The following CAMTA1 variants were observed in gnomAD, a reference collection of about 807,000 sequenced individuals.
CAMTA1 encodes calmodulin binding transcription activator 1.
Under a neutral mutation model 170.9 loss-of-function variants are expected in CAMTA1, and 27 were observed. That is an observed-to-expected ratio of 0.16 (90% CI 0.12 to 0.22). The LOEUF is 0.22. Among genes scored for constraint, CAMTA1 ranks in the 10% least tolerant of loss-of-function variants. CAMTA1 has a pLI of 1.00. For missense variants in CAMTA1, 1,619 were observed against 2,217.2 expected (o/e 0.73, Z 5.42); for synonymous variants, 833 against 891.5 (o/e 0.93, Z 1.17).
intron 11 of CAMTA1, among the ~76,000 whole-genome samples, chr1:7,713,712 C>T (rs1005268625): frequency 1.1e-4 from 17 of 152,210 alleles, no homozygotes; most frequent in African/African-American, 2.2e-4. Flanking sequence ...GTTCTGAGGC[C>T]GTGGCATGGT....
intron 3 of CAMTA1, among the ~76,000 whole-genome samples, chr1:7,011,084 C>T (rs184979914): frequency 1.2e-4 from 19 of 152,370 alleles, no homozygotes; most frequent in African/African-American, 4.3e-4. Flanking sequence ...GGGAGCTCTG[C>T]TTACTGGCTT....
chr1:7,029,537 G>T (rs906373697), intron 3 of CAMTA1, among the ~76,000 whole-genome samples: 1 of 149,654 alleles, frequency 6.7e-6, no homozygotes, highest in Non-Finnish European at 1.5e-5. Context: ...CTGGTCAGCT[G>T]CATTGAACAG....
rs929815304 is a variant in CAMTA1, at chr1:6,926,201, C to T, written c.234+100991C>T. Among the ~76,000 whole-genome samples, 6 of 152,304 alleles carry T rather than the reference C, an allele frequency of 3.9e-5. No homozygotes were observed. In the East Asian group the frequency reaches 7.7e-4, roughly 20 times the overall value. On this transcript the variant is annotated intron_variant, in intron 3 of 22. Transcript: ENST00000303635. ...ACTCTCATCATGCCTATCTGCCCCA[C>T]GTTGGGAGGGGATGGGCCAAGTTCT...
At chr1:7,355,616 A>T (rs1338479235) in intron 5 of CAMTA1, among the ~76,000 whole-genome samples, 3 of 152,012 alleles carry the variant, frequency 2.0e-5, no homozygotes, top group Non-Finnish European at 4.4e-5. Flanking sequence ...TCCATTCTCC[A>T]CTCAGCGGCC....
intron 1 of CAMTA1, among the ~76,000 whole-genome samples, chr1:6,814,892 C>G (rs1463160230): frequency 6.6e-6 from 1 of 152,128 alleles, no homozygotes; most frequent in Non-Finnish European, 1.5e-5. Flanking sequence ...TTTCATTAAT[C>G]CATCTTCCAA....
chr1:7,724,836 A>AAG (rs2096673208), intron 11 of CAMTA1, among the ~76,000 whole-genome samples: 1 of 151,992 alleles, frequency 6.6e-6, no homozygotes, highest in Non-Finnish European at 1.5e-5. Flanking sequence ...AAAAAAAAAA[A>AAG]AGATCGCATG....
chr1:7,655,057 CAA>C (rs2095877611), intron 7 of CAMTA1, among the ~76,000 whole-genome samples: 1 of 144,350 alleles, frequency 6.9e-6, no homozygotes, highest in African/African-American at 2.6e-5. Context: ...CACACCTATA[CAA>C]ACACACCCAC....
chr1:7,465,709 G>A (rs981930799), intron 5 of CAMTA1, among the ~76,000 whole-genome samples: 10 of 152,158 alleles, frequency 6.6e-5, no homozygotes, highest in Non-Finnish European at 1.2e-4. Flanking sequence ...AGGGGAAAGC[G>A]GGCCTGGGCC....
intron 6 of CAMTA1, among the ~76,000 whole-genome samples, chr1:7,553,463 C>T (rs2094835212): frequency 6.6e-6 from 1 of 152,168 alleles, no homozygotes. Context: ...GGACCCATCC[C>T]ACAGGGCTCC....
chr1:7,679,915 G>C (rs1322541142), intron 11 of CAMTA1, among the ~76,000 whole-genome samples: 2 of 152,246 alleles, frequency 1.3e-5, no homozygotes, highest in Non-Finnish European at 1.5e-5. Context: ...GAATGAGTGG[G>C]AGGCAGGGAC....
At chr1:6,958,889 C>T (rs748809893) in intron 3 of CAMTA1, among the ~76,000 whole-genome samples, 1 of 152,030 alleles carries the variant, frequency 6.6e-6, no homozygotes, top group Non-Finnish European at 1.5e-5. Context: ...TTAGTATTCA[C>T]GAAAAATGCT....
At chr1:7,571,296 G>T (rs936301239) in intron 6 of CAMTA1, among the ~76,000 whole-genome samples, 4 of 152,094 alleles carry the variant, frequency 2.6e-5, no homozygotes, top group Non-Finnish European at 4.4e-5. Flanking sequence ...TTTTTCTAAG[G>T]CCATTAATCC....
intron 6 of CAMTA1, among the ~76,000 whole-genome samples, chr1:7,480,352 T>G (rs2093505548): frequency 6.6e-6 from 1 of 151,496 alleles, no homozygotes; most frequent in African/African-American, 2.4e-5. Context: ...TGTGCATGTG[T>G]GTGTTTGTGC....
Position 7,361,967 on chromosome 1 carries a change from G to A in CAMTA1, c.439-105863G>A, listed in dbSNP as rs112204469. ...AATCCTTGATATCTGCCCTCTAGGA[G>A]TTTAATATTTCTTGAATGCATAGGC... On this transcript the variant is annotated intron_variant, in intron 5 of 22. Coordinates refer to ENST00000303635, the MANE Select transcript of CAMTA1 (RefSeq NM_015215.4). Among the ~76,000 whole-genome samples the A allele has an allele frequency of 1.3e-3, 201 of 152,344 alleles. 2 individuals carry two copies. The Middle Eastern group carries it at 0.051, about 39-fold the overall frequency.
chr1:7,009,311 C>T lies in CAMTA1; in HGVS notation c.235-81993C>T, dbSNP rs1391333646. On this transcript the variant is annotated intron_variant, in intron 3 of 22. Transcript: ENST00000303635. ...GGCTGCCAGGACTTGAGGGTGGAGG[C>T]AGGGACAGAGATTCCCCAGAGGCGG... Among the ~76,000 whole-genome samples, 7 of 152,238 alleles carry T rather than the reference C, an allele frequency of 4.6e-5. 1 individual carries two copies. In the East Asian group the frequency reaches 1.4e-3, roughly 29 times the overall value.
intron 1 of CAMTA1, among the ~76,000 whole-genome samples, chr1:6,807,299 C>T (rs976875599): frequency 1.3e-5 from 2 of 152,210 alleles, no homozygotes; most frequent in South Asian, 4.1e-4. Context: ...ATACTTGGCT[C>T]TGGCCTTTAC....
chr1:7,535,008 A>G (rs2094532402), intron 6 of CAMTA1, among the ~76,000 whole-genome samples: 1 of 152,002 alleles, frequency 6.6e-6, no homozygotes, highest in South Asian at 2.1e-4. Context: ...GGCTAGGAAG[A>G]TCCCATCCAA....
At chr1:7,371,758 T>C (rs2086490875) in intron 5 of CAMTA1, among the ~76,000 whole-genome samples, 1 of 152,238 alleles carries the variant, frequency 6.6e-6, no homozygotes. Context: ...CCCGTTTCCA[T>C]GATCTTCAGT....
chr1:7,264,018 G>A (rs904941564), intron 5 of CAMTA1, among the ~76,000 whole-genome samples: 1 of 152,204 alleles, frequency 6.6e-6, no homozygotes, highest in Non-Finnish European at 1.5e-5. Flanking sequence ...TTAATGCTGA[G>A]AGCCAGGAAC....
Sources: allele counts gnomAD v4.1 joint callset (sites outside exome capture counted in the v4.1 genomes callset), GRCh38; gene constraint gnomAD v4.1.1; transcripts MANE v1.5; gene names NCBI Gene and HGNC (gene_info 2026-07-23, HGNC 2026-07-21).